The following CNTN4 variants were observed in gnomAD, a reference collection of about 807,000 sequenced individuals.
The protein encoded by CNTN4 is contactin-4.
CNTN4 carries 77 observed loss-of-function variants against 122.5 expected under a neutral mutation model. The ratio of observed to expected loss-of-function variants is 0.63; its 90% CI spans 0.52 to 0.76. The LOEUF (loss-of-function observed/expected upper bound fraction) is 0.76, where lower values mean the gene tolerates loss of function less well. Among genes scored for constraint, CNTN4 ranks in the 30% least tolerant of loss-of-function variants. The pLI, the probability that CNTN4 is intolerant of heterozygous loss-of-function variation, is 0.00. For missense variants in CNTN4, 1,256 were observed against 1,259.1 expected, an observed-to-expected ratio of 1.00 and a Z score of 0.04; for synonymous variants, 512 against 447.0, an observed-to-expected ratio of 1.15 and a Z score of -1.83.
intron 4 of CNTN4, among the ~76,000 whole-genome samples, chr3:2,699,288 A>G (rs2086225133): frequency 6.6e-6 from 1 of 152,034 alleles, no homozygotes; most frequent in Non-Finnish European, 1.5e-5. Context: ...TGTTTTTGTG[A>G]TGGTTTCACA....
chr3:3,034,921 C>T (rs1274359611), intron 17 of CNTN4, 131 bp downstream of exon 17: 2 of 980,856 alleles, frequency 2.0e-6, no homozygotes, highest in Non-Finnish European at 3.2e-6. Context: ...GTTTCCTAAA[C>T]CTCGGCCAAC....
At chr3:2,509,381 G>A (rs1294621556) in intron 3 of CNTN4, among the ~76,000 whole-genome samples, 1 of 152,036 alleles carries the variant, frequency 6.6e-6, no homozygotes, top group Non-Finnish European at 1.5e-5. Context: ...AAAGAAACTG[G>A]TTACCTTACA....
chr3:2,713,935 A>G (rs950145273), intron 4 of CNTN4, among the ~76,000 whole-genome samples: 1 of 152,192 alleles, frequency 6.6e-6, no homozygotes, highest in African/African-American at 2.4e-5. Flanking sequence ...TGATGATAAT[A>G]CCTTCATCAT....
chr3:2,738,058 G>A (rs1392561891), intron 5 of CNTN4, among the ~76,000 whole-genome samples: 1 of 152,160 alleles, frequency 6.6e-6, no homozygotes, highest in Admixed American at 6.5e-5. Flanking sequence ...TCCAGAAGAA[G>A]CATCAAGAAA....
At chr3:2,678,008 C>T (rs2600278) in intron 4 of CNTN4, among the ~76,000 whole-genome samples, 71,682 of 151,578 alleles carry the variant, frequency 0.47, 17,601 homozygotes, top group African/African-American at 0.6. Context: ...AATGTGTTTT[C>T]CTCCCAGCAA....
intron 10 of CNTN4, among the ~76,000 whole-genome samples, chr3:2,896,784 A>G (rs1343699750): frequency 2.0e-5 from 3 of 152,198 alleles, no homozygotes; most frequent in African/African-American, 4.8e-5. Flanking sequence ...CTCCAGACTC[A>G]TAAAGTCTAC....
chr3:2,234,314 G>A lies in CNTN4; in HGVS notation c.-144-104864G>A, dbSNP rs190759877. Among the ~76,000 whole-genome samples, 7 of 137,290 alleles carry A rather than the reference G, an allele frequency of 5.1e-5. No individual in the cohort carries two copies. The East Asian group carries it at 8.9e-4, about 17-fold the overall frequency. 90.1% of individuals were successfully genotyped at this position (137,290 alleles called of 152,430 possible). ...AATCACTTGAACCCAGGAGGAGGAGGTTGCAGTGAGAAAAGATCGCACCAT... is the reference window on the plus strand; with the variant it reads ...AATCACTTGAACCCAGGAGGAGGAGATTGCAGTGAGAAAAGATCGCACCAT... On this transcript the variant is annotated intron_variant, in intron 2 of 24. Transcript: ENST00000418658.
intron 2 of CNTN4, among the ~76,000 whole-genome samples, chr3:2,235,382 A>G (rs961575755): frequency 3.3e-5 from 5 of 152,214 alleles, no homozygotes; most frequent in Non-Finnish European, 7.3e-5. Context: ...CAGGAAAGGA[A>G]TATCTTAGCC....
At chr3:2,788,050 A>G (rs2091896149) in intron 6 of CNTN4, among the ~76,000 whole-genome samples, 1 of 152,146 alleles carries the variant, frequency 6.6e-6, no homozygotes, top group African/African-American at 2.4e-5. Flanking sequence ...TCGGCCTCTC[A>G]AAGTGCTCGG....
rs536102594 is a variant in CNTN4, at chr3:2,489,814, C to G, written c.-88-81602C>G. On this transcript the variant is annotated intron_variant, in intron 3 of 24. Transcript: ENST00000418658. ...CCTTCCTTTCTTTCTACTTTCCTCC[C>G]TTCCAACATTCTCTGTTTTATTCAA... Among the ~76,000 whole-genome samples the G allele has an allele frequency of 6.6e-5, 10 of 152,290 alleles. No individual in the cohort carries two copies. In the South Asian group the frequency reaches 2.1e-3, roughly 32 times the overall value.
At chr3:2,561,753 G>T (rs1387042586) in intron 3 of CNTN4, among the ~76,000 whole-genome samples, 1 of 152,120 alleles carries the variant, frequency 6.6e-6, no homozygotes, top group Non-Finnish European at 1.5e-5. Context: ...GGTAGAGCTG[G>T]GATTTAAACC....
At chr3:2,121,801 G>T (rs2033799958) in intron 2 of CNTN4, among the ~76,000 whole-genome samples, 1 of 152,074 alleles carries the variant, frequency 6.6e-6, no homozygotes, top group Non-Finnish European at 1.5e-5. Context: ...TGATTAATTT[G>T]TACTGGTTAC....
intron 6 of CNTN4, among the ~76,000 whole-genome samples, chr3:2,792,526 G>T (rs2092043038): frequency 6.6e-6 from 1 of 152,126 alleles, no homozygotes; most frequent in Admixed American, 6.5e-5. Flanking sequence ...TACTAATTCT[G>T]GCTGTGAGCT....
At chr3:2,896,971 T>C (rs1047928380) in intron 10 of CNTN4, among the ~76,000 whole-genome samples, 3 of 151,312 alleles carry the variant, frequency 2.0e-5, no homozygotes, top group African/African-American at 7.3e-5. Flanking sequence ...CTTTCTTTTA[T>C]ATTTTTAAAT....
chr3:2,274,871 G>C (rs2041440314), intron 2 of CNTN4, among the ~76,000 whole-genome samples: 2 of 137,896 alleles, frequency 1.5e-5, no homozygotes, highest in Non-Finnish European at 3.2e-5. Flanking sequence ...ATAATGCTAG[G>C]AATTCAAGAA....
chr3:2,476,279 G>C (rs1197609348), intron 3 of CNTN4, among the ~76,000 whole-genome samples: 3 of 152,206 alleles, frequency 2.0e-5, no homozygotes, highest in Admixed American at 6.5e-5. Context: ...GTACATGGAA[G>C]TGGAGTGAGC....
intron 5 of CNTN4, among the ~76,000 whole-genome samples, chr3:2,740,243 T>C (rs2089382766): frequency 6.6e-6 from 1 of 152,088 alleles, no homozygotes; most frequent in Non-Finnish European, 1.5e-5. Flanking sequence ...ACCTGTAGTC[T>C]CAGCTAGTCA....
intron 2 of CNTN4, among the ~76,000 whole-genome samples, chr3:2,129,768 C>T (rs2034363193): frequency 6.6e-6 from 1 of 151,652 alleles, no homozygotes; most frequent in Non-Finnish European, 1.5e-5. Context: ...CAGTTTCCTT[C>T]ATTTACCTAC....
chr3:2,925,513 A>G (rs1018693382), intron 12 of CNTN4, 116 bp from the exon 13 acceptor site: 7 of 1,121,828 alleles, frequency 6.2e-6, no homozygotes, highest in Non-Finnish European at 9.0e-6. Flanking sequence ...AGATTGCACC[A>G]CTGCACTGGC....
Sources: allele counts gnomAD v4.1 joint callset (sites outside exome capture counted in the v4.1 genomes callset), GRCh38; gene constraint gnomAD v4.1.1; transcripts MANE v1.5; gene names NCBI Gene and HGNC (gene_info 2026-07-23, HGNC 2026-07-21).